Variants in MACROD1 observed in about 807,000 individuals in gnomAD.
MACROD1 encodes ADP-ribose glycohydrolase MACROD1.
In MACROD1, 31 loss-of-function variants were observed where a neutral mutation model predicts 41.4. That is an observed-to-expected ratio of 0.75 (90% CI 0.56 to 1.01). The LOEUF (loss-of-function observed/expected upper bound fraction) is 1.01, where lower values mean the gene tolerates loss of function less well. MACROD1 is among the 50% of genes least tolerant of loss of function. The pLI, the probability that MACROD1 is intolerant of heterozygous loss-of-function variation, is 0.00. For missense variants in MACROD1, 473 were observed against 460.0 expected, an observed-to-expected ratio of 1.03 and a Z score of -0.26; for synonymous variants, 252 against 203.4, an observed-to-expected ratio of 1.24 and a Z score of -2.03.
intron 3 of MACROD1, among the ~76,000 whole-genome samples, chr11:64,028,282 GTTA>G: frequency 6.6e-6 from 1 of 152,220 alleles, no homozygotes; most frequent in Non-Finnish European, 1.5e-5. Flanking sequence ...CTTGCCCTGT[GTTA>G]TTACCCCTCC....
At chr11:64,061,580 T>C (rs958990111) in intron 3 of MACROD1, among the ~76,000 whole-genome samples, 4 of 152,204 alleles carry the variant, frequency 2.6e-5, no homozygotes, top group African/African-American at 4.8e-5. Flanking sequence ...ATTTGCTGCA[T>C]TGGGTTATCT....
chr11:64,082,127 G>A lies in MACROD1; in HGVS notation c.518-66846C>T, dbSNP rs1472796005. ...TGTGCCCATCTCCCCAGGCCCTCCT[G>A]TGGCTGCGCCTGGAGCCTCCCGGGA... is the stretch of plus-strand genomic sequence containing the variant. On this transcript the variant is annotated intron_variant, in intron 3 of 10. Transcript: ENST00000255681. This position sits in a 1 kb window ranked among gnomAD's most constrained non-coding sequence, Gnocchi z 4.5. 1 of 152,224 alleles carries A rather than the reference G, an allele frequency of 6.6e-6. No individual in the cohort carries two copies. Among genetic ancestry groups the A allele is most frequent in the Non-Finnish European group, 1.5e-5 (1 of 68,088 alleles). The allele number at this position is 152,224 out of a possible 1,614,324, so 9.4% of individuals were successfully genotyped here.
At chr11:64,033,604 G>A (rs1943322042) in intron 3 of MACROD1, among the ~76,000 whole-genome samples, 1 of 151,988 alleles carries the variant, frequency 6.6e-6, no homozygotes, top group African/African-American at 2.4e-5. Context: ...ACTTTGGGAG[G>A]CCGAGTTGGG....
In MACROD1 at chr11:64,152,397, C is replaced by G. The variant is rs1945594885; in HGVS notation, c.299-4G>C. 1.2e-6 allele frequency: 2 copies of G among 1,612,624 alleles called. No individual in the cohort carries two copies. Among genetic ancestry groups the G allele is most frequent in the Non-Finnish European group, 1.7e-6 (2 of 1,178,694 alleles). On this transcript the variant is annotated splice_polypyrimidine_tract_variant and splice_region_variant and intron_variant, in intron 1 of 10. Coordinates refer to ENST00000255681, the MANE Select transcript of MACROD1 (RefSeq NM_014067.4). ...TCACTCAGGCCCTTCAGAAAGGCTG[C>G]AGAGGCAGGAAGGAGGATCAGGGTG...
chr11:64,154,248 A>AAC (rs1218728854), intron 1 of MACROD1, among the ~76,000 whole-genome samples: 1 of 151,982 alleles, frequency 6.6e-6, no homozygotes, highest in African/African-American at 2.4e-5. Flanking sequence ...AGGCATGCAA[A>AAC]ACAGAACGTT....
At chr11:64,162,300 C>T (rs1033504654) in intron 1 of MACROD1, among the ~76,000 whole-genome samples, 1 of 151,890 alleles carries the variant, frequency 6.6e-6, no homozygotes, top group Admixed American at 6.6e-5. Flanking sequence ...GCTGAGATCT[C>T]ACAACTGCAC....
At chr11:64,017,839 T>C (rs1943102348) in intron 3 of MACROD1, among the ~76,000 whole-genome samples, 1 of 152,058 alleles carries the variant, frequency 6.6e-6, no homozygotes, top group African/African-American at 2.4e-5. Context: ...AGCTGGCTCC[T>C]GCTCAAAGAG....
chr11:64,015,613 C>T (rs1943070923), intron 3 of MACROD1, among the ~76,000 whole-genome samples: 2 of 152,152 alleles, frequency 1.3e-5, no homozygotes, highest in South Asian at 4.1e-4. Flanking sequence ...GTTTCGCCCA[C>T]AGTATCTCCT....
chr11:64,044,759 G>T (rs1943552924), intron 3 of MACROD1, among the ~76,000 whole-genome samples: 3 of 152,126 alleles, frequency 2.0e-5, no homozygotes, highest in Admixed American at 2.0e-4. Context: ...TTTGGTATCT[G>T]TCATGCTCCC....
intron 3 of MACROD1, among the ~76,000 whole-genome samples, chr11:64,132,735 T>G (rs764976130): frequency 2.0e-5 from 3 of 152,056 alleles, no homozygotes; most frequent in Non-Finnish European, 4.4e-5. Flanking sequence ...GATCTGTAAC[T>G]TCATAATTAG....
chr11:64,071,449 C>T (rs113395518), intron 3 of MACROD1, among the ~76,000 whole-genome samples: 6 of 152,160 alleles, frequency 3.9e-5, no homozygotes, highest in Admixed American at 1.3e-4. Flanking sequence ...ACTGGTATGG[C>T]CAGGGCTGGG....
rs71468652 is a variant in MACROD1 at position 64,094,430 on chromosome 11, T to TAAA, written c.517+56806_517+56808dup. 4.3e-3 allele frequency among the ~76,000 whole-genome samples: 606 copies of TAAA among 142,554 alleles called. 7 individuals carry two copies. The highest frequency in any genetic ancestry group is 0.04 in the Middle Eastern group (11 of 274). 93.5% of individuals were successfully genotyped at this position (142,554 alleles called of 152,430 possible). ...TGGGCGACAGAGTGAGACTCCAACT[T>TAAA]AAAAAAAAAAAAAAATCCCAAAAAA... On this transcript the variant is annotated intron_variant, in intron 3 of 10. Transcript: ENST00000255681.
At chr11:64,070,824 T>A (rs1405149963) in intron 3 of MACROD1, among the ~76,000 whole-genome samples, 1 of 152,240 alleles carries the variant, frequency 6.6e-6, no homozygotes, top group Non-Finnish European at 1.5e-5. Flanking sequence ...AATAGTTTTT[T>A]GCTCTTTCTC....
intron 3 of MACROD1, among the ~76,000 whole-genome samples, chr11:64,024,503 G>C (rs921846232): frequency 6.6e-6 from 1 of 152,156 alleles, no homozygotes; most frequent in African/African-American, 2.4e-5. Flanking sequence ...GGAGGACTGA[G>C]CTGCTGCACT....
chr11:64,053,279 A>T (rs1196661528), intron 3 of MACROD1, among the ~76,000 whole-genome samples: 1 of 152,256 alleles, frequency 6.6e-6, no homozygotes. Flanking sequence ...GTTAGGAGGT[A>T]GTTTTCCTGG....
At chr11:64,003,582 T>A (rs1942861650) in intron 4 of MACROD1, among the ~76,000 whole-genome samples, 2 of 152,316 alleles carry the variant, frequency 1.3e-5, no homozygotes, top group South Asian at 4.1e-4. Context: ...TCACCCCCCA[T>A]GGCCTTTGTC....
intron 3 of MACROD1, among the ~76,000 whole-genome samples, chr11:64,088,915 G>T (rs1398592647): frequency 6.6e-6 from 1 of 152,162 alleles, no homozygotes; most frequent in Non-Finnish European, 1.5e-5. Flanking sequence ...CATGGGCGGG[G>T]TTAGGAAACC....
chr11:64,151,324 A>G lies in MACROD1; in HGVS notation c.432T>C (p.Tyr144=), dbSNP rs1278040940. The change falls in exon 3 of 11, where the codon TAT becomes TAC. Residue 144 remains tyrosine (Y), a synonymous_variant. Coordinates refer to ENST00000255681, the MANE Select transcript of MACROD1 (RefSeq NM_014067.4). ...TCTCATTGAGCTGCTTGTCCTTTTT[A>G]TACCTGGGCTCCTCCACCTTCACAG... The part of the protein sequence containing the change: ...GVAVKVEEPR[Y]KKDKQLNEKI... The G allele has an allele frequency of 6.2e-7, 1 of 1,613,806 alleles. No individual in the cohort carries two copies. The highest frequency in any genetic ancestry group is 8.5e-7 in the Non-Finnish European group (1 of 1,179,994).
rs922265053 is a variant in MACROD1, at chr11:64,120,516, G to T, written c.517+30723C>A. ...AGCCTGGCCAACATGGTGAAAGTCC[G>T]TCTCTCTAAAAATGCAAAAATTAGC... is the stretch of plus-strand genomic sequence containing the variant. On this transcript the variant is annotated intron_variant, in intron 3 of 10. Coordinates refer to ENST00000255681, the MANE Select transcript of MACROD1 (RefSeq NM_014067.4). The surrounding 1 kb of genome is among the most constrained non-coding windows in gnomAD (Gnocchi z 4.5). Among the ~76,000 whole-genome samples, 2 of 152,064 alleles carry T rather than the reference G, an allele frequency of 1.3e-5. No individual in the cohort carries two copies. Among genetic ancestry groups the T allele is most frequent in the African/African-American group, 4.8e-5 (2 of 41,402 alleles).
Sources: allele counts gnomAD v4.1 joint callset (sites outside exome capture counted in the v4.1 genomes callset), GRCh38; gene constraint gnomAD v4.1.1; non-coding constraint Gnocchi (gnomAD v3.1); transcripts MANE v1.5; gene names NCBI Gene and HGNC (gene_info 2026-07-23, HGNC 2026-07-21).